The following RIMKLB variants were observed in gnomAD, a reference collection of about 807,000 sequenced individuals.
RIMKLB encodes beta-citrylglutamate synthase B.
In RIMKLB, 7 loss-of-function variants were observed where a neutral mutation model predicts 32.0. The observed-to-expected ratio is 0.22, with a 90% confidence interval of 0.12 to 0.41. The LOEUF is 0.41. Ranked by LOEUF, RIMKLB falls within the 10% of genes least tolerant of loss-of-function variation. RIMKLB has a pLI of 1.00. For synonymous variants in RIMKLB, 172 were observed against 185.1 expected (o/e 0.93, Z 0.57); for missense variants, 289 against 498.7 (o/e 0.58, Z 4.00).
intron 1 of RIMKLB, among the ~76,000 whole-genome samples, chr12:8,699,625 T>G (rs1269031087): frequency 5.3e-5 from 8 of 152,208 alleles, no homozygotes; most frequent in Non-Finnish European, 4.4e-5. Context: ...TATTTTGTCT[T>G]GAGGTAATCC....
chr12:8,686,455 CTTTTCTTTTTTTTTTT>C (rs1434402857), intron 1 of RIMKLB, among the ~76,000 whole-genome samples: 2 of 144,120 alleles, frequency 1.4e-5, no homozygotes, highest in African/African-American at 5.1e-5. Context: ...TTTCTTTTTT[CTTTTCTTTTTTTTTTT>C]TTTATTCAGG....
chr12:8,746,599 A>C (rs1244197551), intron 2 of RIMKLB, among the ~76,000 whole-genome samples: 1 of 136,936 alleles, frequency 7.3e-6, no homozygotes, highest in Non-Finnish European at 1.6e-5. Flanking sequence ...ACTCTGTCTC[A>C]AAAAAAAAAA....
Position 8,775,728 on chromosome 12 carries a change from A to C in RIMKLB, c.*1944A>C, listed in dbSNP as rs894499697. 3 of 984,692 alleles carry C rather than the reference A, an allele frequency of 3.0e-6. No individual in the cohort carries two copies. Among genetic ancestry groups the C allele is most frequent in the Admixed American group, 6.1e-5 (1 of 16,262 alleles). 61.0% of individuals were successfully genotyped at this position (984,692 alleles called of 1,614,324 possible). On this transcript the variant is annotated 3_prime_UTR_variant, in exon 6 of 6. Coordinates refer to ENST00000535829, the MANE Select transcript of RIMKLB (RefSeq NM_001297776.2). ...AATTAAATAATATTAAAATTGAGTGAAAGGTTGATTGTTGATGAATAGAAT... is the reference window on the plus strand; with the variant it reads ...AATTAAATAATATTAAAATTGAGTGCAAGGTTGATTGTTGATGAATAGAAT...
chr12:8,710,798 G>C (rs1043314503), intron 1 of RIMKLB, among the ~76,000 whole-genome samples: 1 of 151,980 alleles, frequency 6.6e-6, no homozygotes, highest in African/African-American at 2.4e-5. Context: ...GGCAGCAACT[G>C]CCACACTCAG....
At position 8,774,879 on chromosome 12, in the gene RIMKLB, T is replaced by G. The variant is rs913261524; in HGVS notation, c.*1095T>G. 8 of 985,450 alleles carry G rather than the reference T, an allele frequency of 8.1e-6. No individual in the cohort carries two copies. The African/African-American group carries it at 1.4e-4, about 17-fold the overall frequency. The allele number at this position is 985,450 out of a possible 1,614,324, so 61.0% of individuals were successfully genotyped here. A position where few individuals can be genotyped will look rare whatever the true frequency, so the allele number is the denominator to read the frequency against. On this transcript the variant is annotated 3_prime_UTR_variant, in exon 6 of 6. Coordinates refer to ENST00000535829, the MANE Select transcript of RIMKLB (RefSeq NM_001297776.2). ...CACATTTTACGAGGGAGTATATGTG[T>G]ATGTGTGTGCACGCATGCATGTGTA...
chr12:8,781,297 A>C (rs1459912467), downstream of RIMKLB, among the ~76,000 whole-genome samples: 2 of 152,312 alleles, frequency 1.3e-5, no homozygotes, highest in East Asian at 3.9e-4. Context: ...AGTGGAGATC[A>C]AGTCACTGCA....
At chr12:8,780,411 T>A (rs973185134), downstream of RIMKLB, 1 of 152,220 alleles carries the variant, frequency 6.6e-6, no homozygotes, top group Non-Finnish European at 1.5e-5. Context: ...GTGTTTGATT[T>A]TATGTGATTG....
intron 2 of RIMKLB, among the ~76,000 whole-genome samples, chr12:8,733,336 T>C: frequency 6.6e-6 from 1 of 152,004 alleles, no homozygotes; most frequent in East Asian, 1.9e-4. Context: ...TTTTAAAACC[T>C]TTGCTCAGAT....
At chr12:8,781,802 AT>A (rs1565443489), downstream of RIMKLB, among the ~76,000 whole-genome samples, 2 of 152,206 alleles carry the variant, frequency 1.3e-5, no homozygotes, top group Non-Finnish European at 2.9e-5. Context: ...TAGAAATTAA[AT>A]GATACTTTGA....
At chr12:8,675,313 A>G in the RIMKLB span, among the ~76,000 whole-genome samples, 3 of 152,202 alleles carry the variant, frequency 2.0e-5, no homozygotes, top group African/African-American at 4.8e-5. Context: ...CTTGACATCT[A>G]TAATATCACA....
chr12:8,686,554 A>ACTGCAAGCTCCGCCTCC (rs1427073783), intron 1 of RIMKLB, among the ~76,000 whole-genome samples: 2 of 150,090 alleles, frequency 1.3e-5, no homozygotes, highest in Non-Finnish European at 3.0e-5. Context: ...ATCTCGGCTC[A>ACTGCAAGCTCCGCCTCC]CTGCAAGCTC....
intron 2 of RIMKLB, among the ~76,000 whole-genome samples, chr12:8,739,159 C>G (rs1947273307): frequency 6.6e-6 from 1 of 152,208 alleles, no homozygotes; most frequent in Admixed American, 6.5e-5. Flanking sequence ...GAAATTGTTT[C>G]TGTTGTTCTG....
rs745510365 is a variant in RIMKLB, at chr12:8,713,638, C to T, written c.-56-173C>T. 26 of 490,216 alleles carry T rather than the reference C, an allele frequency of 5.3e-5. No individual in the cohort carries two copies. In the South Asian group the frequency reaches 5.8e-4, roughly 11 times the overall value. The allele number at this position is 490,216 out of a possible 1,614,324, so 30.4% of individuals were successfully genotyped here. On this transcript the variant is annotated intron_variant, in intron 1 of 5. Transcript: ENST00000535829. The stretch of plus-strand genomic sequence containing the variant: ...TATTTCTGAAGAGGTGGTCAGTTTC[C>T]ATATTACTAGTGTATAAAAATTTTA...
At chr12:8,731,280 T>A (rs896674739) in intron 2 of RIMKLB, among the ~76,000 whole-genome samples, 11 of 151,480 alleles carry the variant, frequency 7.3e-5, no homozygotes, top group African/African-American at 2.7e-4. Flanking sequence ...GTATTTGTAG[T>A]AGAGACAGGG....
the RIMKLB span, among the ~76,000 whole-genome samples, chr12:8,673,606 T>C: frequency 3.3e-5 from 5 of 151,878 alleles, no homozygotes; most frequent in African/African-American, 1.2e-4. Flanking sequence ...GCTTCTTTTT[T>C]TTTTTTTGAG....
intron 5 of RIMKLB, among the ~76,000 whole-genome samples, chr12:8,768,114 T>TGGG (rs1950118191): frequency 6.6e-6 from 1 of 152,128 alleles, no homozygotes; most frequent in South Asian, 2.1e-4. Flanking sequence ...GTGTTATAGC[T>TGGG]CTATTAGAAG....
chr12:8,756,684 C>CTTTTTTTTT (rs145312687), intron 5 of RIMKLB, among the ~76,000 whole-genome samples: 16 of 90,966 alleles, frequency 1.8e-4, no homozygotes, highest in Admixed American at 2.9e-4. Context: ...TTACTTTCTA[C>CTTTTTTTTT]TTTTTTTTTT....
intron 5 of RIMKLB, among the ~76,000 whole-genome samples, chr12:8,772,050 G>A (rs1565427610): frequency 6.6e-6 from 1 of 151,928 alleles, no homozygotes. Context: ...CACCACACCG[G>A]GCTAATTTTT....
chr12:8,744,323 C>T (rs774995347), intron 2 of RIMKLB, among the ~76,000 whole-genome samples: 1 of 152,036 alleles, frequency 6.6e-6, no homozygotes, highest in East Asian at 1.9e-4. Flanking sequence ...CCCCATAGTA[C>T]ACTGTGCAGA....
Sources: gnomAD v4.1 joint callset for allele counts (sites outside exome capture counted in the v4.1 genomes callset) on GRCh38, gnomAD v4.1.1 for gene constraint, MANE v1.5 for transcripts, NCBI Gene and HGNC (gene_info 2026-07-23, HGNC 2026-07-21) for gene names.